The following AGBL4 variants were observed in gnomAD, a reference collection of about 807,000 sequenced individuals.
AGBL4 encodes cytosolic carboxypeptidase 6.
AGBL4 carries 58 observed loss-of-function variants against 66.4 expected under a neutral mutation model. The observed-to-expected ratio is 0.87, with a 90% confidence interval of 0.71 to 1.09. The LOEUF (loss-of-function observed/expected upper bound fraction) is 1.09, where lower values mean the gene tolerates loss of function less well. AGBL4 is among the 50% of genes least tolerant of loss of function. The pLI, the probability that AGBL4 is intolerant of heterozygous loss-of-function variation, is 0.00. For synonymous variants in AGBL4, 234 were observed against 222.9 expected (o/e 1.05, Z -0.44); for missense variants, 579 against 631.0 (o/e 0.92, Z 0.88).
chr1:49,131,280 G>C (rs1569743214), intron 4 of AGBL4, among the ~76,000 whole-genome samples: 1 of 152,028 alleles, frequency 6.6e-6, no homozygotes, highest in East Asian at 1.9e-4. Flanking sequence ...AGGACTTTTG[G>C]GGGTGGTAAA....
At chr1:48,560,106 C>T (rs144494255) in intron 11 of AGBL4, among the ~76,000 whole-genome samples, 617 of 152,272 alleles carry the variant, frequency 4.1e-3, no homozygotes, top group Non-Finnish European at 6.1e-3. Context: ...CCTCTGAACT[C>T]GGAACCTCTT....
chr1:49,837,616 G>A (rs1018697175), intron 2 of AGBL4, among the ~76,000 whole-genome samples: 5 of 152,194 alleles, frequency 3.3e-5, no homozygotes, highest in Non-Finnish European at 5.9e-5. Flanking sequence ...GGAGGCCAAG[G>A]CGGGTGGATC....
At chr1:48,547,926 CTT>C (rs1644191062) in intron 11 of AGBL4, among the ~76,000 whole-genome samples, 2 of 152,178 alleles carry the variant, frequency 1.3e-5, no homozygotes, top group Non-Finnish European at 2.9e-5. Flanking sequence ...AATGTAGTCT[CTT>C]GAGTCCTTTT....
At chr1:48,535,390 C>T (rs1377438234) in intron 12 of AGBL4, among the ~76,000 whole-genome samples, 5 of 152,132 alleles carry the variant, frequency 3.3e-5, no homozygotes, top group African/African-American at 7.2e-5. Flanking sequence ...TACATTTCAT[C>T]GCTCCTCACC....
intron 3 of AGBL4, among the ~76,000 whole-genome samples, chr1:49,499,400 G>A (rs1426877547): frequency 6.6e-6 from 1 of 151,800 alleles, no homozygotes; most frequent in Non-Finnish European, 1.5e-5. Flanking sequence ...TGGGGAACAA[G>A]TGGTGTATGG....
At position 49,388,549 on chromosome 1, in the gene AGBL4, G is replaced by T. The variant is rs542469696; in HGVS notation, c.283-142685C>A. Among the ~76,000 whole-genome samples the T allele has an allele frequency of 2.4e-4, 36 of 152,240 alleles. 1 individual carries two copies. In the South Asian group the frequency reaches 7.5e-3, roughly 32 times the overall value. On this transcript the variant is annotated intron_variant, in intron 3 of 13. Coordinates refer to ENST00000371839, the MANE Select transcript of AGBL4 (RefSeq NM_032785.4). The stretch of plus-strand genomic sequence containing the variant: ...GGTTAGACCTGTTCAAGATCATACA[G>T]TAGTAAATGTCAGATCCAGCACTCA...
At chr1:49,522,852 A>G (rs1056174545) in intron 3 of AGBL4, among the ~76,000 whole-genome samples, 2 of 152,050 alleles carry the variant, frequency 1.3e-5, no homozygotes, top group Non-Finnish European at 2.9e-5. Context: ...CACTTAGACA[A>G]TACTTACCAT....
At chr1:49,992,391 C>T (rs1177149896) in intron 1 of AGBL4, among the ~76,000 whole-genome samples, 1 of 150,992 alleles carries the variant, frequency 6.6e-6, no homozygotes, top group African/African-American at 2.4e-5. Flanking sequence ...AAAAAAAAAT[C>T]CTTACTTTGA....
intron 3 of AGBL4, among the ~76,000 whole-genome samples, chr1:49,275,068 A>ATG (rs1644140939): frequency 1.3e-5 from 2 of 152,330 alleles, no homozygotes; most frequent in East Asian, 3.9e-4. Context: ...CATTTGTTCC[A>ATG]TAAGAATCTG....
chr1:49,499,423 G>A (rs1647916832), intron 3 of AGBL4, among the ~76,000 whole-genome samples: 1 of 151,758 alleles, frequency 6.6e-6, no homozygotes, highest in African/African-American at 2.4e-5. Flanking sequence ...ACAAGAATAA[G>A]TTCCTTAATG....
chr1:48,684,648 G>T (rs945165445), intron 6 of AGBL4, among the ~76,000 whole-genome samples: 3 of 152,126 alleles, frequency 2.0e-5, no homozygotes, highest in Non-Finnish European at 4.4e-5. Context: ...AAGGCAACAT[G>T]CATCTAACAG....
chr1:48,646,785 C>G (rs1440359402), intron 8 of AGBL4, among the ~76,000 whole-genome samples: 1 of 152,062 alleles, frequency 6.6e-6, no homozygotes, highest in African/African-American at 2.4e-5. Context: ...GGGCAAGTTC[C>G]GTGGTAATTA....
At chr1:49,242,441 A>G (rs1293838882) in intron 4 of AGBL4, among the ~76,000 whole-genome samples, 1 of 152,008 alleles carries the variant, frequency 6.6e-6, no homozygotes, top group African/African-American at 2.4e-5. Context: ...TAAACTTGGA[A>G]TCATGTGATT....
chr1:49,470,759 G>A (rs1449678243), intron 3 of AGBL4, among the ~76,000 whole-genome samples: 1 of 152,006 alleles, frequency 6.6e-6, no homozygotes, highest in African/African-American at 2.4e-5. Flanking sequence ...CCCTTAATTT[G>A]CATACAATTG....
intron 1 of AGBL4, among the ~76,000 whole-genome samples, chr1:49,932,404 C>A (rs546513786): frequency 6.6e-6 from 1 of 151,944 alleles, no homozygotes; most frequent in Non-Finnish European, 1.5e-5. Flanking sequence ...CTATAAAATT[C>A]CTAGAAGAAA....
intron 6 of AGBL4, among the ~76,000 whole-genome samples, chr1:48,843,499 A>G (rs1646849300): frequency 1.3e-5 from 2 of 152,162 alleles, no homozygotes; most frequent in South Asian, 4.1e-4. Context: ...CCCATAAGCT[A>G]AAATGGTTTT....
In AGBL4 at chr1:49,181,221, T is replaced by C. The variant is rs12032102; in HGVS notation, c.377+64549A>G. ...CCTCCACATGTGCCCAATTCATTCC[T>C]ACCTCCGCAGCCTTGTACACTCTGT... On this transcript the variant is annotated intron_variant, in intron 4 of 13. Transcript: ENST00000371839. 7.7e-3 allele frequency among the ~76,000 whole-genome samples: 1,178 copies of C among 152,266 alleles called. 7 individuals are homozygous for C. Among genetic ancestry groups the C allele is most frequent in the Middle Eastern group, 0.027 (8 of 294 alleles).
intron 3 of AGBL4, among the ~76,000 whole-genome samples, chr1:49,617,885 G>A (rs1217639445): frequency 2.0e-5 from 3 of 152,146 alleles, no homozygotes; most frequent in African/African-American, 7.2e-5. Context: ...TTTAAGCTCT[G>A]GAATACATGT....
In AGBL4 at chr1:48,615,885, G is replaced by T. The variant is rs549448939; in HGVS notation, c.951+18608C>A. 3.3e-5 allele frequency among the ~76,000 whole-genome samples: 5 copies of T among 152,300 alleles called. No individual in the cohort carries two copies. In the East Asian group the frequency reaches 9.7e-4, roughly 29 times the overall value. On this transcript the variant is annotated intron_variant, in intron 9 of 13. Coordinates refer to ENST00000371839, the MANE Select transcript of AGBL4 (RefSeq NM_032785.4). ...CAAGGCACCAGCAGTTCAGTGTCTG[G>T]TGAGGACCTGGCATTTGCTTCCATG... is the stretch of plus-strand genomic sequence containing the variant.
Sources: allele counts gnomAD v4.1 joint callset (sites outside exome capture counted in the v4.1 genomes callset), GRCh38; gene constraint gnomAD v4.1.1; transcripts MANE v1.5; gene names NCBI Gene and HGNC (gene_info 2026-07-23, HGNC 2026-07-21).